EYS: variants seen among roughly 807,000 people sequenced by gnomAD.
EYS encodes the protein protein eyes shut homolog.
Under a neutral mutation model 282.1 loss-of-function variants are expected in EYS, and 250 were observed. The observed-to-expected ratio is 0.89, with a 90% confidence interval of 0.80 to 0.98. The LOEUF (loss-of-function observed/expected upper bound fraction) is 0.98, where lower values mean the gene tolerates loss of function less well. EYS is among the 50% of genes least tolerant of loss of function. The pLI is 0.00. For synonymous variants in EYS, 1,355 were observed against 1,282.9 expected (o/e 1.06, Z -1.20); for missense variants, 4,016 against 3,709.0 (o/e 1.08, Z -2.15).
intron 36 of EYS, among the ~76,000 whole-genome samples, chr6:63,833,873 T>C (rs1771720846): frequency 6.6e-6 from 1 of 151,964 alleles, no homozygotes; most frequent in African/African-American, 2.4e-5. Flanking sequence ...TACAGACCAA[T>C]GGAACAGAAC....
intron 35 of EYS, among the ~76,000 whole-genome samples, chr6:63,934,456 TTATTGCGGCACTATTCACAA>T (rs1764991853): frequency 6.6e-6 from 1 of 152,074 alleles, no homozygotes; most frequent in South Asian, 2.1e-4. Context: ...GCACGTATGT[TTATTGCGGCACTATTCACAA>T]TAGCAAAGAC....
At chr6:64,181,737 T>TA (rs1764793536) in intron 31 of EYS, among the ~76,000 whole-genome samples, 1 of 152,124 alleles carries the variant, frequency 6.6e-6, no homozygotes, top group South Asian at 2.1e-4. Context: ...TAGACAGGAT[T>TA]AAAAAAGCAA....
In EYS at chr6:65,462,411, A is replaced by G. The variant is rs532597938; in HGVS notation, c.862+28183T>C. 9.9e-4 allele frequency among the ~76,000 whole-genome samples: 151 copies of G among 152,228 alleles called. 1 individual carries two copies. Among genetic ancestry groups the G allele is most frequent in the African/African-American group, 3.5e-3 (145 of 41,568 alleles). On this transcript the variant is annotated intron_variant, in intron 5 of 42. Transcript: ENST00000503581. ...GGTGATTACACAAATCTTTATGTGT[A>G]AAGATTCATAGAACTCTGCACACAC...
intron 22 of EYS, among the ~76,000 whole-genome samples, chr6:64,636,817 C>T (rs1165239017): frequency 2.1e-5 from 3 of 144,644 alleles, no homozygotes; most frequent in Non-Finnish European, 3.0e-5. Context: ...GACATTTATG[C>T]AGCCAAATGA....
chr6:64,308,648 AAAT>A (rs547490943), intron 29 of EYS, among the ~76,000 whole-genome samples: 74 of 152,174 alleles, frequency 4.9e-4, no homozygotes, highest in Admixed American at 7.8e-4. Context: ...AATATATTAT[AAAT>A]AATAGAATAA....
intron 40 of EYS, among the ~76,000 whole-genome samples, chr6:63,770,615 T>G (rs1769906246): frequency 1.3e-5 from 2 of 152,304 alleles, no homozygotes; most frequent in South Asian, 4.1e-4. Context: ...CTGAATTATC[T>G]TCTCAGGTCA....
At chr6:65,289,765 T>C (rs1438802748) in intron 12 of EYS, among the ~76,000 whole-genome samples, 1 of 151,158 alleles carries the variant, frequency 6.6e-6, no homozygotes, top group Non-Finnish European at 1.5e-5. Flanking sequence ...CTCAGCACAC[T>C]TCCTTTCAGT....
chr6:64,393,665 A>G (rs969183421), intron 28 of EYS, among the ~76,000 whole-genome samples: 18 of 151,682 alleles, frequency 1.2e-4, no homozygotes, highest in African/African-American at 4.1e-4. Context: ...ACAAACCCAC[A>G]GCCAATATCA....
intron 26 of EYS, among the ~76,000 whole-genome samples, chr6:64,486,096 A>C (rs1776574007): frequency 6.6e-6 from 1 of 151,440 alleles, no homozygotes; most frequent in African/African-American, 2.4e-5. Flanking sequence ...AGAGAATCTC[A>C]AAATTCTGTG....
chr6:64,186,280 CACACG>C (rs1764944403), intron 31 of EYS, among the ~76,000 whole-genome samples: 1 of 150,760 alleles, frequency 6.6e-6, no homozygotes, highest in Non-Finnish European at 1.5e-5. Flanking sequence ...CACACACACA[CACACG>C]GTTCTGATTT....
chr6:64,489,894 C>A (rs1003468668), intron 26 of EYS, among the ~76,000 whole-genome samples: 1 of 150,650 alleles, frequency 6.6e-6, no homozygotes, highest in Admixed American at 6.7e-5. Flanking sequence ...CATGATTAAT[C>A]TTTAGAGGAC....
intron 35 of EYS, among the ~76,000 whole-genome samples, chr6:63,962,879 A>T (rs1374015400): frequency 2.0e-5 from 3 of 152,172 alleles, no homozygotes; most frequent in African/African-American, 7.2e-5. Context: ...ACAACGATAG[A>T]CTGGATTAAG....
chr6:64,316,725 T>A (rs1769982337), intron 29 of EYS, among the ~76,000 whole-genome samples: 1 of 152,134 alleles, frequency 6.6e-6, no homozygotes, highest in Non-Finnish European at 1.5e-5. Context: ...TTAAATTTCA[T>A]ATCAAACCAA....
chr6:64,405,918 A>C (rs578094639), intron 28 of EYS, among the ~76,000 whole-genome samples: 21 of 152,208 alleles, frequency 1.4e-4, no homozygotes, highest in Non-Finnish European at 2.5e-4. Context: ...ATTCCCCATC[A>C]AGCTACCATT....
chr6:65,473,456 T>C (rs1042763529), intron 5 of EYS, among the ~76,000 whole-genome samples: 1 of 151,978 alleles, frequency 6.6e-6, no homozygotes, highest in African/African-American at 2.4e-5. Flanking sequence ...GAGGCCACTG[T>C]ATTTTTAAAG....
chr6:65,100,846 G>A (rs1774875948), intron 12 of EYS, among the ~76,000 whole-genome samples: 2 of 150,768 alleles, frequency 1.3e-5, no homozygotes. Flanking sequence ...ACAAGAGGAA[G>A]TATTAATTGG....
chr6:64,525,996 C>T (rs1577851), intron 26 of EYS, among the ~76,000 whole-genome samples: 45,738 of 151,484 alleles, frequency 0.3, 6,947 homozygotes, highest in East Asian at 0.47. Flanking sequence ...TAGACTATTA[C>T]TCAACAAATA....
chr6:65,535,400 C>T (rs1344935102), intron 2 of EYS, among the ~76,000 whole-genome samples: 3 of 152,028 alleles, frequency 2.0e-5, no homozygotes, highest in Non-Finnish European at 2.9e-5. Flanking sequence ...ATAAGTCTCA[C>T]GAGATCTGAT....
chr6:65,330,995 T>C, intron 11 of EYS: 2 of 984,484 alleles, frequency 2.0e-6, no homozygotes, highest in Non-Finnish European at 2.4e-6. Flanking sequence ...ACTCGGGTTG[T>C]TGTCAGAGCT....
Sources: allele counts gnomAD v4.1 joint callset (sites outside exome capture counted in the v4.1 genomes callset), GRCh38; gene constraint gnomAD v4.1.1; transcripts MANE v1.5; gene names NCBI Gene and HGNC (gene_info 2026-07-23, HGNC 2026-07-21).